Variants in CLDN14 observed in about 807,000 individuals in gnomAD.
CLDN14 encodes claudin-14.
In CLDN14, 2 loss-of-function variants were observed where a neutral mutation model predicts 2.1. That is an observed-to-expected ratio of 0.96 (90% confidence interval 0.39 to 3.01). The LOEUF (loss-of-function observed/expected upper bound fraction) is 3.01, where lower values mean the gene tolerates loss of function less well. Ranked by LOEUF, CLDN14 falls within the 30% of genes most tolerant of loss-of-function variation. The probability of loss-of-function intolerance (pLI) is 0.09; values close to 1 mark genes in which losing one functional copy is unlikely to be tolerated. For synonymous variants in CLDN14, 136 were observed against 154.4 expected (o/e 0.88, Z 0.88); for missense variants, 298 against 328.0 (o/e 0.91, Z 0.71).
intron 1 of CLDN14, among the ~76,000 whole-genome samples, chr21:36,462,329 G>T (rs965909213): frequency 1.3e-5 from 2 of 151,352 alleles, no homozygotes; most frequent in African/African-American, 2.5e-5. Context: ...GAGATTGTCA[G>T]CTGATGCCGG....
chr21:36,551,195 C>T lies in CLDN14; in HGVS notation c.-220+25216G>A, dbSNP rs1028614688. Among the ~76,000 whole-genome samples, 9 of 152,234 alleles carry T rather than the reference C, an allele frequency of 5.9e-5. No homozygotes were observed. Among genetic ancestry groups the T allele is most frequent in the Non-Finnish European group, 1.2e-4 (8 of 68,044 alleles). The stretch of plus-strand genomic sequence containing the variant: ...TTCCCAGACCTGTGAGACAATAAAT[C>T]TCTTGTACTTTGTTACAACTGTCCT... On this transcript the variant is annotated intron_variant, in intron 1 of 2. Coordinates refer to the CLDN14 transcript ENST00000342108. This position sits in a 1 kb window ranked among gnomAD's most constrained non-coding sequence, Gnocchi z 4.8.
intron 1 of CLDN14, among the ~76,000 whole-genome samples, chr21:36,472,829 A>C (rs2086726964): frequency 6.6e-6 from 1 of 152,100 alleles, no homozygotes; most frequent in South Asian, 2.1e-4. Flanking sequence ...CACGAATCTC[A>C]TTGTGAGGGC....
intron 1 of CLDN14, among the ~76,000 whole-genome samples, chr21:36,531,192 C>T (rs1326943783): frequency 6.6e-6 from 1 of 152,032 alleles, no homozygotes; most frequent in Non-Finnish European, 1.5e-5. Flanking sequence ...CATGCCACTG[C>T]ACTCCAGCCT....
At chr21:36,475,863 CG>C (rs1430013709) in intron 1 of CLDN14, among the ~76,000 whole-genome samples, 55 of 152,158 alleles carry the variant, frequency 3.6e-4, no homozygotes, top group African/African-American at 1.3e-3. Context: ...TTAGTAGAGA[CG>C]GGGTTTCACT....
At chr21:36,482,328 A>AGATGGATG (rs76291106), upstream of CLDN14, among the ~76,000 whole-genome samples, 10 of 144,144 alleles carry the variant, frequency 6.9e-5, no homozygotes, top group Non-Finnish European at 1.0e-4. Flanking sequence ...ATGTTTCAAT[A>AGATGGATG]GATGGATGGA....
Position 36,478,029 on chromosome 21 carries a change from C to T in CLDN14, c.-82+1466G>A, listed in dbSNP as rs76729843. Among the ~76,000 whole-genome samples, 487 of 152,212 alleles carry T rather than the reference C, an allele frequency of 3.2e-3. 5 individuals are homozygous for T. The highest frequency in any genetic ancestry group is 0.011 in the African/African-American group (460 of 41,526). Reference sequence around the variant, plus strand: ...ACAGACTTTTAGACTTCTTACTCTGCGTAATGAAAGATCTTTTCTGATATA... The same window carrying T: ...ACAGACTTTTAGACTTCTTACTCTGTGTAATGAAAGATCTTTTCTGATATA... On this transcript the variant is annotated intron_variant, in intron 1 of 1. Transcript: ENST00000399135.
At chr21:36,509,242 C>A (rs915750) in intron 2 of CLDN14, among the ~76,000 whole-genome samples, 102,816 of 152,114 alleles carry the variant, frequency 0.68, 40,109 homozygotes, top group Non-Finnish European at 0.9. Flanking sequence ...GAAGGCACTT[C>A]CGGTGTCCGC....
intron 1 of CLDN14, among the ~76,000 whole-genome samples, chr21:36,468,905 C>T (rs552872481): frequency 6.6e-6 from 1 of 151,748 alleles, no homozygotes; most frequent in East Asian, 1.9e-4. Context: ...GATTACAGGC[C>T]CCCACTACCA....
intron 2 of CLDN14, among the ~76,000 whole-genome samples, chr21:36,489,131 A>AAAAAAAAAATATATAT: frequency 3.2e-5 from 2 of 62,738 alleles, no homozygotes; most frequent in Admixed American, 2.7e-4. Flanking sequence ...AAAAAAAAAA[A>AAAAAAAAAATATATAT]ATATATATAT....
At chr21:36,500,249 C>T (rs2087081485) in intron 2 of CLDN14, among the ~76,000 whole-genome samples, 1 of 152,134 alleles carries the variant, frequency 6.6e-6, no homozygotes, top group Non-Finnish European at 1.5e-5. Context: ...TGTACCCGCC[C>T]TCTCAGCCGG....
chr21:36,462,103 A>G (rs1461918192), intron 1 of CLDN14, among the ~76,000 whole-genome samples: 1 of 152,164 alleles, frequency 6.6e-6, no homozygotes, highest in Non-Finnish European at 1.5e-5. Context: ...AACCAGGAAT[A>G]ACAGTTGTTA....
chr21:36,464,585 C>G (rs1323815859), intron 1 of CLDN14, among the ~76,000 whole-genome samples: 1 of 152,234 alleles, frequency 6.6e-6, no homozygotes, highest in Non-Finnish European at 1.5e-5. Flanking sequence ...CCTATGCTCA[C>G]TGCCCTGGGG....
chr21:36,477,848 G>T (rs1053264849), intron 1 of CLDN14, among the ~76,000 whole-genome samples: 2 of 152,210 alleles, frequency 1.3e-5, no homozygotes, highest in African/African-American at 4.8e-5. Context: ...AAAGTCCCTG[G>T]CCCTGGCAGC....
At chr21:36,524,893 T>C (rs1395665880) in intron 1 of CLDN14, among the ~76,000 whole-genome samples, 2 of 152,172 alleles carry the variant, frequency 1.3e-5, no homozygotes, top group African/African-American at 4.8e-5. Context: ...CTAGCCCATG[T>C]TGTGGATGCA....
intron 1 of CLDN14, among the ~76,000 whole-genome samples, chr21:36,562,711 T>C (rs1035808349): frequency 3.7e-5 from 5 of 134,196 alleles, no homozygotes; most frequent in African/African-American, 1.1e-4. Flanking sequence ...TTTTTTTTTT[T>C]CATGAGCAAA....
upstream of CLDN14, among the ~76,000 whole-genome samples, chr21:36,481,792 C>A (rs1489687023): frequency 1.3e-5 from 2 of 152,186 alleles, no homozygotes; most frequent in African/African-American, 4.8e-5. Context: ...GGCAAAGTCA[C>A]AGAAACATGA....
intron 1 of CLDN14, among the ~76,000 whole-genome samples, chr21:36,523,944 G>T (rs1010107219): frequency 2.6e-5 from 4 of 151,908 alleles, no homozygotes; most frequent in Non-Finnish European, 5.9e-5. Flanking sequence ...TGACCTGAGG[G>T]ACACAAAGCA....
intron 1 of CLDN14, among the ~76,000 whole-genome samples, chr21:36,472,361 A>G (rs2086720547): frequency 6.6e-6 from 1 of 152,202 alleles, no homozygotes; most frequent in Admixed American, 6.5e-5. Context: ...GTCTTGGGCA[A>G]CTGGAGGAAT....
chr21:36,461,590 C>T lies in CLDN14; in HGVS notation c.106G>A (p.Val36Met), dbSNP rs142205038. 6.3e-5 allele frequency: 102 copies of T among 1,610,700 alleles called. 1 individual carries two copies. In the South Asian group the frequency reaches 7.3e-4, roughly 12 times the overall value. The change falls in exon 2 of 2, where the codon GTG becomes ATG. Residue 36 changes from valine to methionine, a missense_variant. Coordinates refer to ENST00000399135, the MANE Select transcript of CLDN14 (RefSeq NM_001146079.2). ...ILPHWRRTAH[V>M]GTNILTAVSY... Reference sequence around the variant, plus strand: ...ACGGCCGTGAGGATGTTGGTGCCCACGTGCGCTGTCCTCCGCCAGTGCGGC... The same window carrying T: ...ACGGCCGTGAGGATGTTGGTGCCCATGTGCGCTGTCCTCCGCCAGTGCGGC...
Sources: gnomAD v4.1 joint callset for allele counts (sites outside exome capture counted in the v4.1 genomes callset) on GRCh38, gnomAD v4.1.1 for gene constraint, Gnocchi (gnomAD v3.1) non-coding constraint, MANE v1.5 for transcripts, NCBI Gene and HGNC (gene_info 2026-07-23, HGNC 2026-07-21) for gene names.